MALRD1: variants seen among roughly 807,000 people sequenced by gnomAD.
The protein encoded by MALRD1 is MAM and LDL receptor class A domain containing 1.
Under a neutral mutation model 242.1 loss-of-function variants are expected in MALRD1, and 247 were observed. The ratio of observed to expected loss-of-function variants is 1.02; its 90% CI spans 0.92 to 1.13. The LOEUF is 1.13. MALRD1 is among the 50% of genes most tolerant of loss of function. The probability of loss-of-function intolerance (pLI) is 0.00; values close to 1 mark genes in which losing one functional copy is unlikely to be tolerated. For synonymous variants in MALRD1, 995 were observed against 866.6 expected (o/e 1.15, Z -2.60); for missense variants, 2,989 against 2,533.1 (o/e 1.18, Z -3.86).
intron 36 of MALRD1, among the ~76,000 whole-genome samples, chr10:19,680,455 G>T (rs1842319883): frequency 6.6e-6 from 1 of 152,144 alleles, no homozygotes; most frequent in East Asian, 1.9e-4. Flanking sequence ...AACTAGGATT[G>T]CAACCCCTGC....
chr10:19,416,803 T>C (rs1833529663), intron 28 of MALRD1, among the ~76,000 whole-genome samples: 1 of 152,226 alleles, frequency 6.6e-6, no homozygotes, highest in African/African-American at 2.4e-5. Flanking sequence ...GCTTGAGTTA[T>C]CATTTCTTTA....
chr10:19,686,030 A>G (rs896516311), intron 36 of MALRD1, among the ~76,000 whole-genome samples: 14 of 152,172 alleles, frequency 9.2e-5, no homozygotes, highest in African/African-American at 3.4e-4. Context: ...TACTGTAGGC[A>G]GTGAATTCTT....
At chr10:19,478,673 C>T (rs1232297030) in intron 29 of MALRD1, among the ~76,000 whole-genome samples, 1 of 152,108 alleles carries the variant, frequency 6.6e-6, no homozygotes, top group Non-Finnish European at 1.5e-5. Flanking sequence ...ATTGCTTTGA[C>T]CCAATTCTGG....
At chr10:19,616,438 C>T (rs990988280) in intron 36 of MALRD1, among the ~76,000 whole-genome samples, 4 of 151,964 alleles carry the variant, frequency 2.6e-5, no homozygotes, top group Admixed American at 6.6e-5. Flanking sequence ...CAAAAATAGG[C>T]GTTGTGATTT....
intron 28 of MALRD1, among the ~76,000 whole-genome samples, chr10:19,438,366 C>G (rs186701238): frequency 1.3e-5 from 2 of 152,032 alleles, no homozygotes; most frequent in African/African-American, 4.8e-5. Flanking sequence ...ATGTATATAC[C>G]ACATTACATA....
intron 35 of MALRD1, among the ~76,000 whole-genome samples, chr10:19,610,164 A>C (rs1838829509): frequency 6.6e-6 from 1 of 151,954 alleles, no homozygotes; most frequent in African/African-American, 2.4e-5. Flanking sequence ...TTTGTATAAT[A>C]ATCAAATCAG....
intron 26 of MALRD1, 115 bp from the exon 27 acceptor site, chr10:19,387,413 C>T: frequency 1.5e-6 from 2 of 1,304,004 alleles, no homozygotes; most frequent in South Asian, 3.2e-5. Flanking sequence ...CCTCAAATTC[C>T]TAAGAACAAT....
intron 10 of MALRD1, among the ~76,000 whole-genome samples, chr10:19,143,680 G>A (rs1028305644): frequency 2.0e-5 from 3 of 152,202 alleles, no homozygotes; most frequent in Admixed American, 2.0e-4. Context: ...AGGTAACCTT[G>A]TAGAGAGGTG....
intron 21 of MALRD1, among the ~76,000 whole-genome samples, chr10:19,299,417 C>G (rs1475571304): frequency 6.6e-6 from 1 of 151,792 alleles, no homozygotes; most frequent in East Asian, 1.9e-4. Flanking sequence ...CAGCAATGAT[C>G]AAAAAGGACA....
intron 5 of MALRD1, among the ~76,000 whole-genome samples, chr10:19,106,651 T>C (rs928242009): frequency 6.6e-6 from 1 of 151,946 alleles, no homozygotes; most frequent in Admixed American, 6.6e-5. Flanking sequence ...CTCTGATCTT[T>C]ATTATTTATT....
intron 28 of MALRD1, among the ~76,000 whole-genome samples, chr10:19,440,262 T>C (rs1204361517): frequency 1.3e-5 from 2 of 152,232 alleles, no homozygotes; most frequent in African/African-American, 2.4e-5. Context: ...GTAAAGCTTA[T>C]TGCTATTCTG....
At chr10:19,394,672 A>T (rs1387411559) in intron 28 of MALRD1, among the ~76,000 whole-genome samples, 1 of 152,178 alleles carries the variant, frequency 6.6e-6, no homozygotes, top group African/African-American at 2.4e-5. Context: ...ATCTGAAAAG[A>T]TTTACAACAC....
chr10:19,561,806 A>G (rs1835978884), intron 32 of MALRD1, among the ~76,000 whole-genome samples: 1 of 151,528 alleles, frequency 6.6e-6, no homozygotes, highest in South Asian at 2.1e-4. Flanking sequence ...GGAGAACTAG[A>G]GGGGATGGGG....
intron 36 of MALRD1, among the ~76,000 whole-genome samples, chr10:19,626,479 C>T (rs1249398851): frequency 6.6e-6 from 1 of 151,722 alleles, no homozygotes; most frequent in Non-Finnish European, 1.5e-5. Flanking sequence ...TACTGCAATA[C>T]TATTAGATTG....
intron 24 of MALRD1, among the ~76,000 whole-genome samples, chr10:19,345,922 C>T (rs1322203229): frequency 1.3e-5 from 2 of 151,774 alleles, no homozygotes; most frequent in Non-Finnish European, 2.9e-5. Flanking sequence ...TGGTAAAACT[C>T]GTATGTTTTC....
intron 36 of MALRD1, among the ~76,000 whole-genome samples, chr10:19,665,363 G>A (rs1016566848): frequency 3.9e-5 from 6 of 152,158 alleles, no homozygotes; most frequent in African/African-American, 7.2e-5. Context: ...GTTTCTTTGC[G>A]TAGCATCTCA....
At chr10:19,474,955 G>A (rs1397934899) in intron 29 of MALRD1, among the ~76,000 whole-genome samples, 2 of 152,038 alleles carry the variant, frequency 1.3e-5, no homozygotes, top group African/African-American at 2.4e-5. Flanking sequence ...TGAAAATTTT[G>A]CATTCATTAG....
intron 18 of MALRD1, among the ~76,000 whole-genome samples, chr10:19,239,587 A>G (rs1838666394): frequency 6.6e-6 from 1 of 152,174 alleles, no homozygotes; most frequent in Non-Finnish European, 1.5e-5. Context: ...AAAGTTATAG[A>G]GAATTTCCCA....
intron 36 of MALRD1, among the ~76,000 whole-genome samples, chr10:19,628,627 C>G (rs1452305751): frequency 6.6e-6 from 1 of 152,000 alleles, no homozygotes; most frequent in South Asian, 2.1e-4. Context: ...AGTTAGTGAG[C>G]TCTGTAGAAG....
Sources: allele counts gnomAD v4.1 joint callset (sites outside exome capture counted in the v4.1 genomes callset), GRCh38; gene constraint gnomAD v4.1.1; transcripts MANE v1.5; gene names NCBI Gene and HGNC (gene_info 2026-07-23, HGNC 2026-07-21).